The following OR5T1 variants were observed in gnomAD, a reference collection of about 807,000 sequenced individuals.
The protein encoded by OR5T1 is olfactory receptor family 5 subfamily T member 1.
A neutral mutation model predicts 10.1 loss-of-function variants in OR5T1; 14 were observed. That is an observed-to-expected ratio of 1.39 (90% CI 0.92 to 2.18). The LOEUF is 2.18. Among genes scored for constraint, OR5T1 ranks in the 30% most tolerant of loss-of-function variants. The pLI is 0.00. For synonymous variants in OR5T1, 166 were observed against 141.2 expected, an observed-to-expected ratio of 1.18 and a Z score of -1.24; for missense variants, 461 against 383.9, an observed-to-expected ratio of 1.20 and a Z score of -1.68.
chr11:56,275,738 G>T lies in OR5T1; in HGVS notation c.100G>T (p.Asp34Tyr). 12 of 1,610,302 alleles carry T rather than the reference G, an allele frequency of 7.5e-6. No homozygotes were observed. The highest frequency in any genetic ancestry group is 9.3e-6 in the Non-Finnish European group (11 of 1,176,722). The part of the protein sequence containing the change: ...FILISFTEEF[D>Y]VQVFLFLLFL... ...ATTAATAAGCTTCACAGAAGAATTT[G>T]ATGTGCAAGTCTTCCTATTTTTATT... The change falls in exon 3 of 3, where the codon GAT (aspartate) becomes TAT (tyrosine). Residue 34 changes from aspartate (D) to tyrosine (Y), a missense_variant. Coordinates refer to ENST00000641665, the MANE Select transcript of OR5T1 (RefSeq NM_001004745.2).
rs560344273 is a variant in OR5T1, at chr11:56,275,908, T to C, written c.270T>C (p.Thr90=). The change falls in exon 3 of 3, where the codon ACT becomes ACC. Residue 90 remains threonine (T), a synonymous_variant. Coordinates refer to ENST00000641665, the MANE Select transcript of OR5T1 (RefSeq NM_001004745.2). ...ATGTCTGCTATTCTACAGTTGTCAC[T>C]CCAAAAATGTTGGTCAATTTCCTGG... The part of the protein sequence containing the change: ...FLDVCYSTVV[T]PKMLVNFLAK... 1 of 1,614,210 alleles carries C rather than the reference T, an allele frequency of 6.2e-7. No homozygotes were observed. Among genetic ancestry groups the C allele is most frequent in the South Asian group, 1.1e-5 (1 of 91,082 alleles).
intron 2 of OR5T1, among the ~76,000 whole-genome samples, 151 bp from the exon 3 acceptor site, chr11:56,275,335 A>C (rs1364223802): frequency 6.6e-6 from 1 of 151,576 alleles, no homozygotes; most frequent in African/African-American, 2.4e-5. Flanking sequence ...TCATTGTTCA[A>C]CTCCCACTTA....
Position 56,276,585 on chromosome 11 carries a change from T to G in OR5T1, c.947T>G (p.Leu316Trp). The G allele has an allele frequency of 6.2e-7, 1 of 1,610,484 alleles. No homozygotes were observed. Among genetic ancestry groups the G allele is most frequent in the Non-Finnish European group, 8.5e-7 (1 of 1,178,506 alleles). ...GATGTAAAGGAGGCAATCAAAAGAT[T>G]GCTTGTGAGAAATTGGTTCATAAAT... ...NKDVKEAIKR[L>W]LVRNWFINKL is the part of the protein sequence containing the mutation. The change falls in exon 3 of 3, where the codon TTG becomes TGG. Residue 316 changes from leucine (L) to tryptophan (W), a missense_variant. By Grantham distance (61) the Leu-to-Trp change is moderately conservative. Transcript: ENST00000641665.
rs748886812 is a variant in OR5T1, at chr11:56,276,573, C to G, written c.935C>G (p.Ala312Gly). ...YSLRNKDVKE[A>G]IKRLLVRNWF... ...TTGCGGAACAAAGATGTAAAGGAGG[C>G]AATCAAAAGATTGCTTGTGAGAAAT... is the stretch of plus-strand genomic sequence containing the variant. Residue 312 changes from alanine to glycine, a missense_variant, in exon 3 of 3, where the codon GCA (alanine) becomes GGA (glycine). Physicochemically the swap from Ala to Gly is moderately conservative, Grantham distance 60. Transcript: ENST00000641665. 6.8e-6 allele frequency: 11 copies of G among 1,611,362 alleles called. No homozygotes were observed. In the East Asian group the frequency reaches 2.5e-4, roughly 36 times the overall value.
At position 56,276,351 on chromosome 11, in the gene OR5T1, T is replaced by C; in HGVS notation, c.713T>C (p.Leu238Pro). 6.2e-7 allele frequency: 1 copy of C among 1,614,196 alleles called. No individual in the cohort carries two copies. The highest frequency in any genetic ancestry group is 8.5e-7 in the Non-Finnish European group (1 of 1,180,038). ...ISYGFILLAI[L>P]KMQSAEGRRK... ...TATGGTTTTATTCTGTTGGCCATTC[T>C]GAAGATGCAGTCTGCTGAAGGGAGG... The change falls in exon 3 of 3, where the codon CTG becomes CCG. Residue 238 changes from leucine to proline, a missense_variant. Coordinates refer to ENST00000641665, the MANE Select transcript of OR5T1 (RefSeq NM_001004745.2).
At chr11:56,275,278 C>T (rs1034793838) in intron 2 of OR5T1, among the ~76,000 whole-genome samples, 6 of 152,166 alleles carry the variant, frequency 3.9e-5, no homozygotes, top group Non-Finnish European at 7.3e-5. Flanking sequence ...TCCCACCCTC[C>T]GACCGGCCCT....
In OR5T1 at chr11:56,275,197, G is replaced by A. The variant is rs934169538; in HGVS notation, c.-153-289G>A. On this transcript the variant is annotated intron_variant, in intron 2 of 2. Coordinates refer to ENST00000641665, the MANE Select transcript of OR5T1 (RefSeq NM_001004745.2). ...TGTTACATAGGTATACACGTGCCACGGTGGTTTGCTGCACGCATCAACCCG... is the reference window on the plus strand; with the variant it reads ...TGTTACATAGGTATACACGTGCCACAGTGGTTTGCTGCACGCATCAACCCG... 3.9e-5 allele frequency among the ~76,000 whole-genome samples: 6 copies of A among 152,078 alleles called. No individual in the cohort carries two copies. In the South Asian group the frequency reaches 1.0e-3, roughly 26 times the overall value.
Position 56,275,516 on chromosome 11 carries a change from C to G in OR5T1, c.-123C>G. The G allele has an allele frequency of 1.4e-6, 1 of 695,512 alleles. No individual in the cohort carries two copies. Among genetic ancestry groups the G allele is most frequent in the South Asian group, 2.3e-5 (1 of 44,240 alleles). 43.1% of individuals were successfully genotyped at this position (695,512 alleles called of 1,614,324 possible). A position where few individuals can be genotyped will look rare whatever the true frequency, so the allele number is the denominator to read the frequency against. ...TATCCACTTGGACCCAATTTTATCA[C>G]CACCTGTGCATTTGCTGACAAGGAT... On this transcript the variant is annotated 5_prime_UTR_variant, in exon 3 of 3. Transcript: ENST00000641665.
rs760433045 is a variant in OR5T1, at chr11:56,276,150, A to ATT, written c.513_514insTT (p.Thr172LeufsTer36). On this transcript the variant is annotated frameshift_variant, in exon 3 of 3. Coordinates refer to ENST00000641665, the MANE Select transcript of OR5T1 (RefSeq NM_001004745.2). LOFTEE classifies it high-confidence loss of function. ...GCTAGCATTTTACATGCTACTATAC[A>ATT]TACAGTGGCTACATTTAGCCTGTCC... 4.4e-5 allele frequency: 71 copies of ATT among 1,614,058 alleles called. No homozygotes were observed. Among genetic ancestry groups the ATT allele is most frequent in the Non-Finnish European group, 5.5e-5 (65 of 1,180,028 alleles).
rs1010482749 is a variant in OR5T1, at chr11:56,276,681, A to G, written c.*62A>G. On this transcript the variant is annotated 3_prime_UTR_variant, in exon 3 of 3. Coordinates refer to ENST00000641665, the MANE Select transcript of OR5T1 (RefSeq NM_001004745.2). ...GTCAGTCCACATCTCTATGGTCAGA[A>G]AGTAGAGAAGAAAATGTGTTTCTTT... The G allele has an allele frequency of 1.8e-5, 21 of 1,182,216 alleles. No homozygotes were observed. The East Asian group carries it at 5.0e-4, about 28-fold the overall frequency. 73.2% of individuals were successfully genotyped at this position (1,182,216 alleles called of 1,614,324 possible). A position where few individuals can be genotyped will look rare whatever the true frequency, so the allele number is the denominator to read the frequency against.
In OR5T1 at chr11:56,275,816, C is replaced by T. The variant is rs1249627332; in HGVS notation, c.178C>T (p.Pro60Ser). The T allele has an allele frequency of 2.5e-6, 4 of 1,613,304 alleles. No homozygotes were observed. Among genetic ancestry groups the T allele is most frequent in the Admixed American group, 1.7e-5 (1 of 60,012 alleles). ...TLIGNLGLVV[P>S]IIGDFWLHSP... ...AATAGGCAATTTAGGGCTGGTTGTA[C>T]CGATCATTGGGGATTTCTGGCTTCA... Residue 60 changes from proline (P) to serine (S), a missense_variant, in exon 3 of 3, where the codon CCG becomes TCG. Coordinates refer to ENST00000641665, the MANE Select transcript of OR5T1 (RefSeq NM_001004745.2).
In OR5T1 at chr11:56,276,806, T is replaced by G. The variant is rs771856811; in HGVS notation, c.*187T>G. On this transcript the variant is annotated 3_prime_UTR_variant, in exon 3 of 3. Coordinates refer to ENST00000641665, the MANE Select transcript of OR5T1 (RefSeq NM_001004745.2). The stretch of plus-strand genomic sequence containing the variant: ...AAATATCAATATATTGTATCATGTA[T>G]AAAATATGGCTTGTATTCATAGCCT... The G allele has an allele frequency of 2.3e-4, 132 of 580,170 alleles. No individual in the cohort carries two copies. The Middle Eastern group carries it at 2.7e-3, about 12-fold the overall frequency. The allele number at this position is 580,170 out of a possible 1,614,324, so 35.9% of individuals were successfully genotyped here.
chr11:56,275,050 A>C (rs914975254), intron 2 of OR5T1, among the ~76,000 whole-genome samples: 1 of 152,206 alleles, frequency 6.6e-6, no homozygotes, highest in African/African-American at 2.4e-5. Context: ...GAGTTTTGAA[A>C]CAATTTAATA....
Position 56,276,163 on chromosome 11 carries a change from A to G in OR5T1, c.525A>G (p.Thr175=). The G allele has an allele frequency of 1.2e-6, 2 of 1,614,124 alleles. No individual in the cohort carries two copies. Among genetic ancestry groups the G allele is most frequent in the South Asian group, 2.2e-5 (2 of 91,074 alleles). The change falls in exon 3 of 3, where the codon ACA becomes ACG. Residue 175 remains threonine, a synonymous_variant. Coordinates refer to ENST00000641665, the MANE Select transcript of OR5T1 (RefSeq NM_001004745.2). ...ILHATIHTVA[T]FSLSFCGSNE... is the part of the protein sequence containing the mutation. ...ATGCTACTATACATACAGTGGCTAC[A>G]TTTAGCCTGTCCTTCTGTGGATCCA...
intron 2 of OR5T1, 47 bp downstream of exon 2, chr11:56,274,800 G>A (rs1853915608): frequency 6.7e-6 from 1 of 149,546 alleles, no homozygotes; most frequent in Non-Finnish European, 1.5e-5. Context: ...AAAAAAAAAG[G>A]ATTTGAAATG....
In OR5T1 at chr11:56,276,280, T is replaced by C. The variant is rs903710756; in HGVS notation, c.642T>C (p.Phe214=). The change falls in exon 3 of 3, where the codon TTT becomes TTC. Residue 214 remains phenylalanine (F), a synonymous_variant. Coordinates refer to ENST00000641665, the MANE Select transcript of OR5T1 (RefSeq NM_001004745.2). ...THVIQLLFFY[F]VGSIEIVTIL... ...TAATCCAGCTTCTATTCTTCTACTT[T>C]GTGGGCTCTATTGAGATAGTCACTA... 8 of 1,614,054 alleles carry C rather than the reference T, an allele frequency of 5.0e-6. No homozygotes were observed. Among genetic ancestry groups the C allele is most frequent in the South Asian group, 1.1e-5 (1 of 91,088 alleles).
chr11:56,274,358 A>G (rs569296038), intron 1 of OR5T1, among the ~76,000 whole-genome samples, 186 bp downstream of exon 1: 9 of 152,336 alleles, frequency 5.9e-5, no homozygotes, highest in African/African-American at 1.9e-4. Flanking sequence ...TTGTTTTAGC[A>G]ACAGTTTATA....
Position 56,276,806 on chromosome 11 carries a change from T to C in OR5T1, c.*187T>C, listed in dbSNP as rs771856811. The C allele has an allele frequency of 1.7e-5, 10 of 580,052 alleles. No homozygotes were observed. Among genetic ancestry groups the C allele is most frequent in the Non-Finnish European group, 2.7e-5 (9 of 330,714 alleles). The allele number at this position is 580,052 out of a possible 1,614,324, so 35.9% of individuals were successfully genotyped here. On this transcript the variant is annotated 3_prime_UTR_variant, in exon 3 of 3. Transcript: ENST00000641665. ...AAATATCAATATATTGTATCATGTATAAAATATGGCTTGTATTCATAGCCT... is the reference window on the plus strand; with the variant it reads ...AAATATCAATATATTGTATCATGTACAAAATATGGCTTGTATTCATAGCCT...
chr11:56,276,330 G>GAC lies in OR5T1; in HGVS notation c.692_693insAC (p.Phe232LeufsTer8). On this transcript the variant is annotated frameshift_variant, in exon 3 of 3. Coordinates refer to ENST00000641665, the MANE Select transcript of OR5T1 (RefSeq NM_001004745.2). LOFTEE classifies it low-confidence loss of function (END_TRUNC). ...ATCCTGATTGTCCTGATCTCCTATGGTTTTATTCTGTTGGCCATTCTGAAG... is the reference window on the plus strand; with the variant it reads ...ATCCTGATTGTCCTGATCTCCTATGGACTTTTATTCTGTTGGCCATTCTGAAG... 4 of 1,614,062 alleles carry GAC rather than the reference G, an allele frequency of 2.5e-6. No homozygotes were observed. Among genetic ancestry groups the GAC allele is most frequent in the Non-Finnish European group, 3.4e-6 (4 of 1,180,004 alleles).
Sources: allele counts gnomAD v4.1 joint callset (sites outside exome capture counted in the v4.1 genomes callset), GRCh38; gene constraint gnomAD v4.1.1; transcripts MANE v1.5; gene names NCBI Gene and HGNC (gene_info 2026-07-23, HGNC 2026-07-21).